The following ERC2 variants were observed in gnomAD, a reference collection of about 807,000 sequenced individuals.
ERC2 encodes ELKS/RAB6-interacting/CAST family member 2.
ERC2 carries 42 observed loss-of-function variants against 114.8 expected under a neutral mutation model. That is an observed-to-expected ratio of 0.37 (90% confidence interval 0.29 to 0.47). The LOEUF is 0.47. Ranked by LOEUF, ERC2 falls within the 20% of genes least tolerant of loss-of-function variation. ERC2 has a pLI of 0.99. For missense variants in ERC2, 939 were observed against 1,150.7 expected, an observed-to-expected ratio of 0.82 and a Z score of 2.66; for synonymous variants, 454 against 425.5, an observed-to-expected ratio of 1.07 and a Z score of -0.82.
intron 9 of ERC2, among the ~76,000 whole-genome samples, chr3:56,009,302 T>C (rs2072734275): frequency 3.3e-5 from 5 of 152,200 alleles, no homozygotes; most frequent in Admixed American, 3.3e-4. Context: ...GAATCAGCAG[T>C]GGAAGCTAGG....
intron 6 of ERC2, among the ~76,000 whole-genome samples, chr3:56,133,412 G>C (rs2080320228): frequency 6.6e-6 from 1 of 152,148 alleles, no homozygotes; most frequent in South Asian, 2.1e-4. Context: ...ACTCCAGCCT[G>C]AGCGACAGAG....
intron 12 of ERC2, among the ~76,000 whole-genome samples, chr3:55,968,524 G>A (rs886400299): frequency 3.3e-5 from 5 of 152,158 alleles, no homozygotes; most frequent in African/African-American, 1.2e-4. Flanking sequence ...TCTCAGACCT[G>A]TGCAGTTTGC....
chr3:56,250,056 C>T (rs2052036779), intron 3 of ERC2, among the ~76,000 whole-genome samples: 1 of 151,928 alleles, frequency 6.6e-6, no homozygotes, highest in Admixed American at 6.6e-5. Flanking sequence ...CGGGGTTTCG[C>T]CATTTGGGCC....
At chr3:55,994,513 C>G (rs143074695) in intron 10 of ERC2, among the ~76,000 whole-genome samples, 1 of 151,780 alleles carries the variant, frequency 6.6e-6, no homozygotes, top group African/African-American at 2.4e-5. Context: ...ATGACAAACA[C>G]GGGGGGAGAT....
At chr3:56,110,275 G>A (rs1345182327) in intron 6 of ERC2, among the ~76,000 whole-genome samples, 1 of 152,092 alleles carries the variant, frequency 6.6e-6, no homozygotes, top group African/African-American at 2.4e-5. Flanking sequence ...ATTTCAAAGT[G>A]CACAGAATAT....
At chr3:55,588,826 G>A (rs1008516091) in intron 17 of ERC2, among the ~76,000 whole-genome samples, 1 of 152,074 alleles carries the variant, frequency 6.6e-6, no homozygotes, top group Non-Finnish European at 1.5e-5. Context: ...TTGAGTTCAA[G>A]TTCACACCAG....
At chr3:56,248,553 T>C (rs2051883456) in intron 3 of ERC2, among the ~76,000 whole-genome samples, 1 of 152,236 alleles carries the variant, frequency 6.6e-6, no homozygotes, top group South Asian at 2.1e-4. Flanking sequence ...ATCTCCTGAA[T>C]CCTTGAGCTC....
At chr3:56,424,874 C>T (rs1210029249) in intron 2 of ERC2, among the ~76,000 whole-genome samples, 4 of 152,178 alleles carry the variant, frequency 2.6e-5, no homozygotes, top group African/African-American at 9.7e-5. Context: ...GTTCTAAATA[C>T]GTGTGTTTAT....
rs564104029 is a variant in ERC2, at chr3:55,709,896, G to T, written c.2713-10384C>A. On this transcript the variant is annotated intron_variant, in intron 15 of 17. Coordinates refer to ENST00000288221, the MANE Select transcript of ERC2 (RefSeq NM_015576.3). The stretch of plus-strand genomic sequence containing the variant: ...AGGGAGAGGCAGCCAGGCCCTTGGA[G>T]GGGGAACAAATCCCTCTCCCCAGCT... Among the ~76,000 whole-genome samples, 9 of 152,298 alleles carry T rather than the reference G, an allele frequency of 5.9e-5. No individual in the cohort carries two copies. In the South Asian group the frequency reaches 1.7e-3, roughly 28 times the overall value.
At chr3:56,211,632 C>T (rs760245182) in intron 3 of ERC2, among the ~76,000 whole-genome samples, 1 of 151,798 alleles carries the variant, frequency 6.6e-6, no homozygotes, top group Non-Finnish European at 1.5e-5. Context: ...AAAAAGAACC[C>T]ACATAGCCAA....
At chr3:55,715,177 C>T (rs866179936) in intron 15 of ERC2, among the ~76,000 whole-genome samples, 1 of 152,150 alleles carries the variant, frequency 6.6e-6, no homozygotes, top group Non-Finnish European at 1.5e-5. Context: ...TGTGTCTATG[C>T]ACAAACAGCT....
chr3:56,168,341 A>G (rs1178123402), intron 4 of ERC2, among the ~76,000 whole-genome samples: 1 of 152,196 alleles, frequency 6.6e-6, no homozygotes, highest in Non-Finnish European at 1.5e-5. Flanking sequence ...TATTGTTTTT[A>G]ATAGCCACAA....
intron 3 of ERC2, among the ~76,000 whole-genome samples, chr3:56,286,350 G>A (rs2150335547): frequency 7.2e-6 from 1 of 138,386 alleles, no homozygotes; most frequent in African/African-American, 2.7e-5. Flanking sequence ...GGAGGCGGAG[G>A]TTGCAGTGAG....
At chr3:56,175,433 C>T (rs186654991) in intron 3 of ERC2, among the ~76,000 whole-genome samples, 2 of 152,282 alleles carry the variant, frequency 1.3e-5, no homozygotes, top group East Asian at 3.9e-4. Flanking sequence ...TCCTGTGTCC[C>T]TCTAGAGGCA....
intron 13 of ERC2, among the ~76,000 whole-genome samples, chr3:55,892,537 G>T (rs1447278523): frequency 6.6e-6 from 1 of 152,012 alleles, no homozygotes; most frequent in East Asian, 1.9e-4. Flanking sequence ...AAAAGAAAAA[G>T]AATAAAGTAT....
chr3:56,084,430 C>T (rs530976776), intron 6 of ERC2, among the ~76,000 whole-genome samples: 12 of 152,136 alleles, frequency 7.9e-5, no homozygotes, highest in Non-Finnish European at 1.6e-4. Flanking sequence ...GCACAATTCA[C>T]ATTTGCAAAT....
chr3:56,220,620 A>C (rs1016082741), intron 3 of ERC2, among the ~76,000 whole-genome samples: 6 of 152,226 alleles, frequency 3.9e-5, no homozygotes, highest in Non-Finnish European at 1.5e-5. Flanking sequence ...AGCACTGACC[A>C]CTGAACAGTG....
intron 7 of ERC2, among the ~76,000 whole-genome samples, chr3:56,051,826 A>C (rs1402590183): frequency 7.7e-6 from 1 of 130,026 alleles, no homozygotes; most frequent in African/African-American, 2.8e-5. Context: ...CTCCATCTCA[A>C]ACACACACAC....
At chr3:55,728,283 T>TATTA (rs1441724967) in intron 15 of ERC2, among the ~76,000 whole-genome samples, 1 of 152,230 alleles carries the variant, frequency 6.6e-6, no homozygotes, top group African/African-American at 2.4e-5. Flanking sequence ...GGCAGATAGC[T>TATTA]ATTATTAAAA....
Sources: gnomAD v4.1 joint callset for allele counts (sites outside exome capture counted in the v4.1 genomes callset) on GRCh38, gnomAD v4.1.1 for gene constraint, MANE v1.5 for transcripts, NCBI Gene and HGNC (gene_info 2026-07-23, HGNC 2026-07-21) for gene names.